The following GRM5 variants were observed in gnomAD, a reference collection of about 807,000 sequenced individuals.
GRM5 encodes metabotropic glutamate receptor 5.
GRM5 carries 19 observed loss-of-function variants against 83.1 expected under a neutral mutation model. The ratio of observed to expected loss-of-function variants is 0.23; its 90% CI spans 0.16 to 0.34. The LOEUF is 0.34. Among genes scored for constraint, GRM5 ranks in the 10% least tolerant of loss-of-function variants. GRM5 has a pLI of 1.00. For missense variants in GRM5, 1,160 were observed against 1,588.3 expected (o/e 0.73, Z 4.58); for synonymous variants, 675 against 633.6 (o/e 1.07, Z -0.98).
chr11:88,513,485 A>C (rs1355326626), intron 9 of GRM5, among the ~76,000 whole-genome samples: 1 of 152,176 alleles, frequency 6.6e-6, no homozygotes, highest in Non-Finnish European at 1.5e-5. Context: ...CCCTTTAATC[A>C]ATAGTACTCA....
chr11:88,846,968 T>C (rs1944312205), intron 3 of GRM5, among the ~76,000 whole-genome samples: 1 of 152,190 alleles, frequency 6.6e-6, no homozygotes. Context: ...TCCCCTCTGT[T>C]TCTACTCTAC....
At chr11:89,007,533 G>T (rs1940563797) in intron 2 of GRM5, among the ~76,000 whole-genome samples, 1 of 152,192 alleles carries the variant, frequency 6.6e-6, no homozygotes, top group South Asian at 2.1e-4. Flanking sequence ...GAGCATAGAT[G>T]CAAGACAAGA....
chr11:88,719,005 A>C (rs574053308), intron 3 of GRM5, among the ~76,000 whole-genome samples: 5 of 151,774 alleles, frequency 3.3e-5, no homozygotes, highest in African/African-American at 9.6e-5. Flanking sequence ...CTTGTCAAAC[A>C]AACACTATTC....
intron 2 of GRM5, among the ~76,000 whole-genome samples, chr11:88,959,881 GA>G (rs1383594473): frequency 6.6e-6 from 1 of 152,164 alleles, no homozygotes; most frequent in Non-Finnish European, 1.5e-5. Context: ...CTTGACAGAA[GA>G]AAGTATATAT....
intron 2 of GRM5, among the ~76,000 whole-genome samples, chr11:88,914,265 G>A (rs1055534597): frequency 6.6e-6 from 1 of 152,128 alleles, no homozygotes; most frequent in African/African-American, 2.4e-5. Flanking sequence ...GAGACATCAT[G>A]CTTCCAGAAT....
chr11:88,665,658 C>T (rs1305546225), intron 3 of GRM5, among the ~76,000 whole-genome samples: 1 of 152,126 alleles, frequency 6.6e-6, no homozygotes, highest in Non-Finnish European at 1.5e-5. Flanking sequence ...GTATCATATG[C>T]TCAATAACTA....
At chr11:89,023,835 G>A (rs1941054119) in intron 2 of GRM5, among the ~76,000 whole-genome samples, 1 of 149,834 alleles carries the variant, frequency 6.7e-6, no homozygotes, top group South Asian at 2.1e-4. Flanking sequence ...GGGCAACAGA[G>A]TGAGACTTCA....
intron 3 of GRM5, among the ~76,000 whole-genome samples, chr11:88,751,508 C>A (rs1453927294): frequency 1.3e-5 from 2 of 152,122 alleles, no homozygotes; most frequent in Non-Finnish European, 2.9e-5. Flanking sequence ...AGATTCACAG[C>A]TGAATTCTAC....
chr11:88,630,068 ATCT>A (rs755833026), intron 4 of GRM5, among the ~76,000 whole-genome samples: 33 of 152,290 alleles, frequency 2.2e-4, no homozygotes, highest in African/African-American at 7.2e-4. Flanking sequence ...TCCTGAAATC[ATCT>A]TCTCCCTTAA....
intron 3 of GRM5, among the ~76,000 whole-genome samples, chr11:88,665,235 G>A (rs996830396): frequency 6.2e-5 from 9 of 144,730 alleles, no homozygotes; most frequent in Admixed American, 4.1e-4. Context: ...TACCTGAATC[G>A]TCAAATAGAG....
intron 3 of GRM5, among the ~76,000 whole-genome samples, chr11:88,761,712 C>T (rs764504803): frequency 6.6e-6 from 1 of 151,958 alleles, no homozygotes; most frequent in Non-Finnish European, 1.5e-5. Context: ...TTTTAAAATT[C>T]ATCTGGAACC....
rs147347795 is a variant in GRM5 at position 88,649,083 on chromosome 11, T to C, written c.1147+4085A>G. ...TATATATATTATAATATATAATACATATATTAAAATATATAATATATATTA... is the reference window on the plus strand; with the variant it reads ...TATATATATTATAATATATAATACACATATTAAAATATATAATATATATTA... On this transcript the variant is annotated intron_variant, in intron 4 of 9. Coordinates refer to ENST00000305447, the MANE Select transcript of GRM5 (RefSeq NM_001143831.3). 9.1e-3 allele frequency among the ~76,000 whole-genome samples: 1,309 copies of C among 144,540 alleles called. 25 individuals are homozygous for C. Among genetic ancestry groups the C allele is most frequent in the African/African-American group, 0.031 (1,219 of 39,740 alleles). 94.8% of individuals were successfully genotyped at this position (144,540 alleles called of 152,430 possible). A position where few individuals can be genotyped will look rare whatever the true frequency, so the allele number is the denominator to read the frequency against.
chr11:88,681,225 C>A (rs549817384), intron 3 of GRM5, among the ~76,000 whole-genome samples: 1 of 152,110 alleles, frequency 6.6e-6, no homozygotes, highest in Non-Finnish European at 1.5e-5. Context: ...CTCATCCCCT[C>A]CTGAGTTATA....
At chr11:88,682,352 A>T (rs1490878883) in intron 3 of GRM5, among the ~76,000 whole-genome samples, 2 of 152,186 alleles carry the variant, frequency 1.3e-5, no homozygotes, top group African/African-American at 4.8e-5. Flanking sequence ...ATAGAATATA[A>T]ACATTTAGCA....
At chr11:88,977,348 G>A (rs1939375588) in intron 2 of GRM5, among the ~76,000 whole-genome samples, 1 of 151,894 alleles carries the variant, frequency 6.6e-6, no homozygotes, top group Admixed American at 6.6e-5. Context: ...GAGCAGCTGG[G>A]ACCACAGGCG....
At chr11:88,756,083 AG>A (rs1274929562) in intron 3 of GRM5, among the ~76,000 whole-genome samples, 1 of 152,158 alleles carries the variant, frequency 6.6e-6, no homozygotes, top group Non-Finnish European at 1.5e-5. Flanking sequence ...CTACCCATCT[AG>A]GGATTGGTGA....
At chr11:88,532,557 T>C (rs559648813) in intron 8 of GRM5, among the ~76,000 whole-genome samples, 1 of 152,038 alleles carries the variant, frequency 6.6e-6, no homozygotes. Context: ...AAAATGACCA[T>C]GTGAATAAAC....
At chr11:88,949,833 A>C (rs1938398815) in intron 2 of GRM5, among the ~76,000 whole-genome samples, 1 of 152,188 alleles carries the variant, frequency 6.6e-6, no homozygotes, top group Non-Finnish European at 1.5e-5. Context: ...TTTAGGAGCC[A>C]AAAATGATAT....
intron 8 of GRM5, among the ~76,000 whole-genome samples, chr11:88,556,113 A>C (rs901348478): frequency 1.3e-5 from 2 of 152,116 alleles, no homozygotes; most frequent in African/African-American, 4.8e-5. Context: ...ATGGATCCCC[A>C]GGATAGAGCA....
Sources: gnomAD v4.1 joint callset for allele counts (sites outside exome capture counted in the v4.1 genomes callset) on GRCh38, gnomAD v4.1.1 for gene constraint, MANE v1.5 for transcripts, NCBI Gene and HGNC (gene_info 2026-07-23, HGNC 2026-07-21) for gene names.